The following ALS2 variants were observed in gnomAD, a reference collection of about 807,000 sequenced individuals.
ALS2 encodes alsin.
In ALS2, 117 loss-of-function variants were observed where a neutral mutation model predicts 203.4. That is an observed-to-expected ratio of 0.58 (90% CI 0.50 to 0.67). The LOEUF is 0.67. Among genes scored for constraint, ALS2 ranks in the 30% least tolerant of loss-of-function variants. ALS2 has a pLI of 0.00. For missense variants in ALS2, 1,715 were observed against 1,989.4 expected (o/e 0.86, Z 2.62); for synonymous variants, 718 against 725.9 (o/e 0.99, Z 0.17).
At chr2:201,770,216 C>T (rs937594529) in intron 1 of ALS2, among the ~76,000 whole-genome samples, 5 of 152,070 alleles carry the variant, frequency 3.3e-5, no homozygotes, top group Admixed American at 1.3e-4. Flanking sequence ...CAATAGGTAG[C>T]GGAAGCCAGA....
At chr2:201,745,809 C>T (rs931146716) in intron 9 of ALS2, among the ~76,000 whole-genome samples, 2 of 151,982 alleles carry the variant, frequency 1.3e-5, no homozygotes, top group Admixed American at 6.6e-5. Context: ...ATTAGCTGGG[C>T]GTGGTGGTGG....
chr2:201,724,380 A>G lies in ALS2; in HGVS notation c.3427T>C (p.Leu1143=). 2 of 1,613,818 alleles carry G rather than the reference A, an allele frequency of 1.2e-6. No individual in the cohort carries two copies. Among genetic ancestry groups the G allele is most frequent in the Middle Eastern group, 1.6e-4 (1 of 6,062 alleles). Residue 1143 remains leucine (L), a synonymous_variant, in exon 21 of 34, where the codon TTG becomes CTG. Coordinates refer to ENST00000264276, the MANE Select transcript of ALS2 (RefSeq NM_020919.4). The part of the protein sequence containing the change: ...HGHGLLRSGK[L]TSSSPSMFIG... ...AACATACTAGGAGAAGAGGACGTCA[A>G]TTTCCCACTTCGTAGAAGACCATGA...
chr2:201,759,862 A>G (rs894018047), intron 4 of ALS2: 2 of 985,270 alleles, frequency 2.0e-6, no homozygotes, highest in Non-Finnish European at 2.4e-6. Context: ...GTTTTCTTAC[A>G]GTTTTGGTAA....
chr2:201,754,373 T>C, intron 6 of ALS2, 130 bp downstream of exon 6: 1 of 1,139,598 alleles, frequency 8.8e-7, no homozygotes, highest in Non-Finnish European at 1.3e-6. Flanking sequence ...TCAGAGTTAA[T>C]GGTGTGTAAT....
In ALS2 at chr2:201,713,143, T is replaced by TTTC. The variant is rs1559036913; in HGVS notation, c.4005-2036_4005-2035insGAA. On this transcript the variant is annotated intron_variant, in intron 25 of 33. Transcript: ENST00000264276. ...TTCTCCTTTTCTTTTCTTTTTTTTTTTTTTTTTTTTGAGATGGAGTTTTGC... is the reference window on the plus strand; with the variant it reads ...TTCTCCTTTTCTTTTCTTTTTTTTTTTTCTTTTTTTTTTGAGATGGAGTTTTGC... Among the ~76,000 whole-genome samples the TTTC allele has an allele frequency of 1.6e-4, 19 of 118,040 alleles. 1 individual carries two copies. In the East Asian group the frequency reaches 6.5e-3, roughly 40 times the overall value. The allele number at this position is 118,040 out of a possible 152,430, so 77.4% of individuals were successfully genotyped here. A position where few individuals can be genotyped will look rare whatever the true frequency, so the allele number is the denominator to read the frequency against.
Position 201,733,367 on chromosome 2 carries a change from A to G in ALS2, c.2489T>C (p.Met830Thr). ...SEVNDENTQL[M>T]EILNTLFFLP... The stretch of plus-strand genomic sequence containing the variant: ...GAAAAACAAAGTATTCAGTATTTCC[A>G]TCAACTGAGTGTTTTCGTCATTCAC... The change falls in exon 13 of 34, where the codon ATG (methionine) becomes ACG (threonine). Residue 830 changes from methionine to threonine, a missense_variant. Transcript: ENST00000264276. 6.2e-7 allele frequency: 1 copy of G among 1,613,784 alleles called. No individual in the cohort carries two copies. Among genetic ancestry groups the G allele is most frequent in the Non-Finnish European group, 8.5e-7 (1 of 1,179,794 alleles).
chr2:201,772,496 T>G (rs1694441588), intron 1 of ALS2, among the ~76,000 whole-genome samples: 1 of 152,208 alleles, frequency 6.6e-6, no homozygotes. Flanking sequence ...ATTTATCACT[T>G]TTATCCCTTT....
intron 16 of ALS2, 65 bp downstream of exon 16, chr2:201,727,640 A>G: frequency 8.3e-7 from 1 of 1,211,818 alleles, no homozygotes; most frequent in South Asian, 1.3e-5. Context: ...TTTTTTTCAC[A>G]TTTAAGGAAG....
Position 201,719,471 on chromosome 2 carries a change from C to A in ALS2, c.3703-1261G>T, listed in dbSNP as rs538674594. Among the ~76,000 whole-genome samples, 56 of 152,322 alleles carry A rather than the reference C, an allele frequency of 3.7e-4. No individual in the cohort carries two copies. In the South Asian group the frequency reaches 0.011, roughly 30 times the overall value. ...GGGCACGGTGGCACGTGCCTGTAAT[C>A]CCATCTACTCAGGAGGCTGAGGCAG... On this transcript the variant is annotated intron_variant, in intron 23 of 33. Coordinates refer to ENST00000264276, the MANE Select transcript of ALS2 (RefSeq NM_020919.4).
intron 1 of ALS2, among the ~76,000 whole-genome samples, chr2:201,776,774 A>C (rs1383718018): frequency 2.0e-5 from 3 of 152,232 alleles, no homozygotes; most frequent in African/African-American, 7.2e-5. Context: ...GGAAATACAC[A>C]TACTAAAAAA....
chr2:201,725,702 G>A (rs748559945), intron 19 of ALS2, among the ~76,000 whole-genome samples: 4 of 152,086 alleles, frequency 2.6e-5, no homozygotes, highest in Non-Finnish European at 4.4e-5. Context: ...AAAAACAGAA[G>A]ACCTGTGTCC....
intron 19 of ALS2, among the ~76,000 whole-genome samples, chr2:201,726,186 T>C (rs1008768929): frequency 4.6e-5 from 7 of 152,112 alleles, no homozygotes; most frequent in African/African-American, 1.4e-4. Context: ...ACCATTAACA[T>C]TACCAAAGAT....
At chr2:201,712,960 G>A (rs913531903) in intron 25 of ALS2, among the ~76,000 whole-genome samples, 4 of 151,892 alleles carry the variant, frequency 2.6e-5, no homozygotes, top group Non-Finnish European at 4.4e-5. Context: ...CAAGATCTTT[G>A]TCCATGAATT....
chr2:201,714,524 T>A (rs1690243996), intron 25 of ALS2, among the ~76,000 whole-genome samples: 3 of 152,242 alleles, frequency 2.0e-5, no homozygotes. Context: ...ATGATCTGGT[T>A]GTGCGTCCCT....
At chr2:201,763,433 A>C (rs748462938) in intron 3 of ALS2, 1 of 247,000 alleles carries the variant, frequency 4.0e-6, no homozygotes, top group Admixed American at 4.4e-5. Flanking sequence ...CATCTCCAAG[A>C]CCTACAGCTA....
Position 201,731,065 on chromosome 2 carries a change from C to T in ALS2, c.2581-1882G>A, listed in dbSNP as rs138609704. 9.5e-3 allele frequency among the ~76,000 whole-genome samples: 1,448 copies of T among 152,198 alleles called. 11 individuals carry two copies. The highest frequency in any genetic ancestry group is 0.014 in the Non-Finnish European group (934 of 68,020). On this transcript the variant is annotated intron_variant, in intron 13 of 33. Coordinates refer to ENST00000264276, the MANE Select transcript of ALS2 (RefSeq NM_020919.4). ...AAACAACTACTGGGATGGGTGTAAC[C>T]GCTACACCATGTAGCGAGGGAGCAG... is the stretch of plus-strand genomic sequence containing the variant.
At chr2:201,722,115 A>G (rs1044486396) in intron 23 of ALS2, 1 of 152,250 alleles carries the variant, frequency 6.6e-6, no homozygotes, top group Non-Finnish European at 1.5e-5. Context: ...GATAAAGGAC[A>G]TGTATCCAGA....
intron 26 of ALS2, among the ~76,000 whole-genome samples, chr2:201,710,321 A>G (rs1451839723): frequency 3.3e-5 from 5 of 151,944 alleles, no homozygotes; most frequent in Non-Finnish European, 7.4e-5. Context: ...ATTCTGCTGG[A>G]TGTGGTGGCT....
intron 21 of ALS2, among the ~76,000 whole-genome samples, 167 bp downstream of exon 21, chr2:201,724,128 A>G (rs1462084787): frequency 6.6e-6 from 1 of 152,184 alleles, no homozygotes; most frequent in African/African-American, 2.4e-5. Context: ...ATAAAAAAGT[A>G]AATAAAAGGG....
Sources: gnomAD v4.1 joint callset for allele counts (sites outside exome capture counted in the v4.1 genomes callset) on GRCh38, gnomAD v4.1.1 for gene constraint, MANE v1.5 for transcripts, NCBI Gene and HGNC (gene_info 2026-07-23, HGNC 2026-07-21) for gene names.